The following ZNF385D variants were observed in gnomAD, a reference collection of about 807,000 sequenced individuals.
The protein encoded by ZNF385D is zinc finger protein 659.
Under a neutral mutation model 35.8 loss-of-function variants are expected in ZNF385D, and 15 were observed. The ratio of observed to expected loss-of-function variants is 0.42; its 90% CI spans 0.28 to 0.64. ZNF385D has a LOEUF of 0.64. ZNF385D is among the 30% of genes least tolerant of loss of function. ZNF385D has a pLI of 0.23. For synonymous variants in ZNF385D, 212 were observed against 186.8 expected, an observed-to-expected ratio of 1.13 and a Z score of -1.10; for missense variants, 474 against 494.6, an observed-to-expected ratio of 0.96 and a Z score of 0.39.
chr3:22,301,280 TG>T (rs1447109947), intron 2 of ZNF385D, among the ~76,000 whole-genome samples: 1 of 151,964 alleles, frequency 6.6e-6, no homozygotes, highest in Non-Finnish European at 1.5e-5. Flanking sequence ...GATTGGAGTT[TG>T]GGGTGGAGCC....
chr3:21,947,741 T>C (rs980939754), intron 3 of ZNF385D, among the ~76,000 whole-genome samples: 5 of 152,220 alleles, frequency 3.3e-5, no homozygotes, highest in African/African-American at 1.2e-4. Context: ...TTCTATCATC[T>C]GTATTTTTGT....
chr3:21,608,023 G>GTTTTTTTTTGGGTTTTTTT (rs1553622610), intron 2 of ZNF385D, among the ~76,000 whole-genome samples: 1 of 120,220 alleles, frequency 8.3e-6, no homozygotes, highest in African/African-American at 3.2e-5. Context: ...TTTTTTTTTT[G>GTTTTTTTTTGGGTTTTTTT]TTTTTTTTTT....
intron 2 of ZNF385D, among the ~76,000 whole-genome samples, chr3:22,362,591 G>A (rs1696463571): frequency 6.6e-6 from 1 of 152,014 alleles, no homozygotes; most frequent in Non-Finnish European, 1.5e-5. Context: ...ACAGAACATA[G>A]GTTTGAGTAC....
intron 2 of ZNF385D, among the ~76,000 whole-genome samples, chr3:22,224,820 G>A (rs1328291758): frequency 4.6e-5 from 7 of 152,244 alleles, no homozygotes; most frequent in South Asian, 2.1e-4. Context: ...TGCTCCCTGC[G>A]TGGGGCACCA....
At chr3:22,124,074 C>T (rs1703281426) in intron 3 of ZNF385D, among the ~76,000 whole-genome samples, 4 of 150,530 alleles carry the variant, frequency 2.7e-5, no homozygotes, top group African/African-American at 7.3e-5. Context: ...TTAACCATTC[C>T]CATTCTCCCT....
intron 2 of ZNF385D, among the ~76,000 whole-genome samples, chr3:21,664,611 T>C (rs552827925): frequency 6.6e-6 from 1 of 152,308 alleles, no homozygotes; most frequent in East Asian, 1.9e-4. Context: ...CCTACAAAGC[T>C]ATAGAATTGT....
chr3:22,257,617 AT>A (rs1700383167), intron 2 of ZNF385D, among the ~76,000 whole-genome samples: 1 of 151,888 alleles, frequency 6.6e-6, no homozygotes, highest in South Asian at 2.1e-4. Context: ...AAGGAAAATA[AT>A]TGAGAACATC....
intron 3 of ZNF385D, among the ~76,000 whole-genome samples, chr3:22,057,598 C>T (rs1699471281): frequency 6.6e-6 from 1 of 151,300 alleles, no homozygotes; most frequent in Non-Finnish European, 1.5e-5. Context: ...CAGCCTCCAT[C>T]TCCTGTGTTG....
chr3:22,087,159 A>G (rs1241322985), intron 3 of ZNF385D, among the ~76,000 whole-genome samples: 1 of 152,182 alleles, frequency 6.6e-6, no homozygotes, highest in Non-Finnish European at 1.5e-5. Context: ...AAACAGCATT[A>G]TTTGATGTCA....
chr3:22,078,722 T>C (rs988359850), intron 3 of ZNF385D, among the ~76,000 whole-genome samples: 20 of 152,070 alleles, frequency 1.3e-4, no homozygotes, highest in Non-Finnish European at 2.9e-4. Flanking sequence ...ATCTGTATCA[T>C]AAGTATTGGC....
intron 3 of ZNF385D, among the ~76,000 whole-genome samples, chr3:21,954,365 A>G (rs1031424427): frequency 6.6e-6 from 1 of 151,996 alleles, no homozygotes; most frequent in African/African-American, 2.4e-5. Flanking sequence ...AGGGATCAAT[A>G]TTCTCAAAAT....
intron 3 of ZNF385D, among the ~76,000 whole-genome samples, chr3:21,871,616 T>C (rs11716370): frequency 0.068 from 10,304 of 152,228 alleles, 519 homozygotes; most frequent in East Asian, 0.18. Flanking sequence ...CACCTTCTAT[T>C]CTATCTATGC....
chr3:21,544,412 G>A (rs1485032090), intron 3 of ZNF385D, among the ~76,000 whole-genome samples: 1 of 152,216 alleles, frequency 6.6e-6, no homozygotes, highest in Non-Finnish European at 1.5e-5. Flanking sequence ...CATGCAAGGT[G>A]TGTAGGAACA....
rs767755072 is a variant in ZNF385D, at chr3:21,421,237, G to T, written c.1165C>A (p.Pro389Thr). 3 of 1,613,956 alleles carry T rather than the reference G, an allele frequency of 1.9e-6. No homozygotes were observed. The African/African-American group carries it at 4.0e-5, about 22-fold the overall frequency. Residue 389 changes from proline to threonine, a missense_variant, in exon 8 of 8, where the codon CCT (proline) becomes ACT (threonine). Physicochemically the swap from Pro to Thr is conservative, Grantham distance 38 (BLOSUM62 -1). Coordinates refer to ENST00000281523, the MANE Select transcript of ZNF385D (RefSeq NM_024697.3). The stretch of plus-strand genomic sequence containing the variant: ...ATTTAGTAAGGAGCAAACAGCACAG[G>T]AGTGTGGGCGGTCCGAATGGGTCCA... Reference protein sequence around the residue: ...APGPIRTAHTPVLFAPY With the variant: ...APGPIRTAHTTVLFAPY
rs147871058 is a variant in ZNF385D, at chr3:21,435,954, G to A, written c.673+1016C>T. Among the ~76,000 whole-genome samples, 715 of 152,244 alleles carry A rather than the reference G, an allele frequency of 4.7e-3. 19 individuals are homozygous for A. Among genetic ancestry groups the A allele is most frequent in the East Asian group, 0.014 (71 of 5,188 alleles). ...AAGTCAATACTTGAATATTACCAGT[G>A]CAGCACAATGACTGGTCAATGACTC... On this transcript the variant is annotated intron_variant, in intron 5 of 7. Coordinates refer to ENST00000281523, the MANE Select transcript of ZNF385D (RefSeq NM_024697.3).
chr3:22,070,482 G>C (rs572176764), intron 3 of ZNF385D, among the ~76,000 whole-genome samples: 36 of 152,136 alleles, frequency 2.4e-4, no homozygotes, highest in Non-Finnish European at 4.7e-4. Context: ...TTGAGTACTT[G>C]CTTCATTATC....
intron 2 of ZNF385D, among the ~76,000 whole-genome samples, chr3:21,638,034 G>A (rs1216692976): frequency 2.0e-5 from 3 of 152,050 alleles, no homozygotes; most frequent in Non-Finnish European, 2.9e-5. Flanking sequence ...ATTTAAAGAA[G>A]CTTGGCAGTA....
At chr3:21,806,060 C>A (rs571491803) in intron 3 of ZNF385D, among the ~76,000 whole-genome samples, 14 of 152,302 alleles carry the variant, frequency 9.2e-5, no homozygotes, top group African/African-American at 3.1e-4. Flanking sequence ...CTGGGAAATT[C>A]ATATGCATGT....
chr3:21,809,544 G>A (rs920157028), intron 3 of ZNF385D, among the ~76,000 whole-genome samples: 2 of 151,238 alleles, frequency 1.3e-5, no homozygotes, highest in Non-Finnish European at 3.0e-5. Flanking sequence ...GATAATTTAA[G>A]AATGTATATA....
Sources: allele counts gnomAD v4.1 joint callset (sites outside exome capture counted in the v4.1 genomes callset), GRCh38; gene constraint gnomAD v4.1.1; transcripts MANE v1.5; gene names NCBI Gene and HGNC (gene_info 2026-07-23, HGNC 2026-07-21).